BBS9: variants seen among roughly 807,000 people sequenced by gnomAD.
BBS9 encodes Bardet-Biedl syndrome 9.
In BBS9, 89 loss-of-function variants were observed where a neutral mutation model predicts 117.7. That is an observed-to-expected ratio of 0.76 (90% CI 0.64 to 0.90). The LOEUF (loss-of-function observed/expected upper bound fraction) is 0.90, where lower values mean the gene tolerates loss of function less well. Among genes scored for constraint, BBS9 ranks in the 40% least tolerant of loss-of-function variants. The pLI is 0.00. For synonymous variants in BBS9, 379 were observed against 370.9 expected, an observed-to-expected ratio of 1.02 and a Z score of -0.25; for missense variants, 982 against 1,042.2, an observed-to-expected ratio of 0.94 and a Z score of 0.80.
At chr7:33,335,065 A>T (rs997125766) in intron 9 of BBS9, among the ~76,000 whole-genome samples, 1 of 152,174 alleles carries the variant, frequency 6.6e-6, no homozygotes, top group Non-Finnish European at 1.5e-5. Context: ...CTTTTAGATT[A>T]ATGAAATGAC....
intron 17 of BBS9, among the ~76,000 whole-genome samples, chr7:33,375,819 T>C (rs1823768974): frequency 6.6e-6 from 1 of 152,088 alleles, no homozygotes; most frequent in South Asian, 2.1e-4. Flanking sequence ...ACTCCTGAGC[T>C]CAGGCAATCT....
intron 19 of BBS9, among the ~76,000 whole-genome samples, chr7:33,476,584 C>T (rs1841832432): frequency 6.6e-6 from 1 of 152,212 alleles, no homozygotes; most frequent in Non-Finnish European, 1.5e-5. Context: ...CAGTATCCCT[C>T]CAGCCTGAGG....
chr7:33,177,731 C>A, intron 5 of BBS9, 140 bp downstream of exon 5: 1 of 694,708 alleles, frequency 1.4e-6, no homozygotes, highest in Non-Finnish European at 2.6e-6. Flanking sequence ...TATCCAAATG[C>A]CCAAGCAAGT....
chr7:33,253,220 A>G (rs1796497749), intron 5 of BBS9, among the ~76,000 whole-genome samples: 1 of 152,236 alleles, frequency 6.6e-6, no homozygotes, highest in African/African-American at 2.4e-5. Flanking sequence ...AAGAGACAGC[A>G]ATGCTGGATG....
In BBS9 at chr7:33,336,442, G is replaced by T; in HGVS notation, c.1018G>T (p.Asp340Tyr). 6.2e-7 allele frequency: 1 copy of T among 1,612,512 alleles called. No individual in the cohort carries two copies. Among genetic ancestry groups the T allele is most frequent in the South Asian group, 1.1e-5 (1 of 90,956 alleles). The change falls in exon 10 of 23, where the codon GAT becomes TAT. Residue 340 changes from aspartate (D) to tyrosine (Y), a missense_variant and splice_region_variant. Asp to Tyr is a radical substitution (Grantham distance 160). Coordinates refer to ENST00000242067, the MANE Select transcript of BBS9 (RefSeq NM_198428.3). ...PVAVRVGCLH[D>Y]LKGVIVTLSD... ...CTCATTTTCTCTTCCTTATTGTAGT[G>T]ATTTAAAGGGAGTGATAGTCACTCT...
intron 14 of BBS9, 60 bp downstream of exon 14, chr7:33,351,383 G>A: frequency 9.0e-7 from 1 of 1,112,184 alleles, no homozygotes; most frequent in Non-Finnish European, 1.4e-6. Context: ...AAATGCTTAT[G>A]CATTTAAGAT....
chr7:33,231,853 C>T (rs185498185), intron 5 of BBS9, among the ~76,000 whole-genome samples: 143 of 152,078 alleles, frequency 9.4e-4, no homozygotes, highest in African/African-American at 3.3e-3. Context: ...CTAGGTAATT[C>T]TTTGTTGTGG....
intron 10 of BBS9, among the ~76,000 whole-genome samples, chr7:33,338,054 C>T (rs913702526): frequency 1.1e-4 from 16 of 151,846 alleles, no homozygotes; most frequent in Non-Finnish European, 5.9e-5. Flanking sequence ...TTGTCATTAC[C>T]TTGATCCTTC....
intron 21 of BBS9, among the ~76,000 whole-genome samples, chr7:33,584,673 T>C (rs1860584190): frequency 6.6e-6 from 1 of 152,114 alleles, no homozygotes. Flanking sequence ...ATTATACTTT[T>C]AAAAATATGA....
intron 21 of BBS9, among the ~76,000 whole-genome samples, chr7:33,576,164 C>G (rs1258089156): frequency 2.6e-5 from 4 of 152,200 alleles, no homozygotes; most frequent in Non-Finnish European, 5.9e-5. Flanking sequence ...ACCCTGTCAT[C>G]TCAGCCCAAA....
chr7:33,604,321 C>T (rs993553399), intron 21 of BBS9, among the ~76,000 whole-genome samples: 1 of 152,178 alleles, frequency 6.6e-6, no homozygotes, highest in Non-Finnish European at 1.5e-5. Flanking sequence ...CAATGCAGTT[C>T]ATGACTTTGC....
In BBS9 at chr7:33,409,385, C is replaced by G. The variant is rs60809075; in HGVS notation, c.2115+21241C>G. Among the ~76,000 whole-genome samples, 3,011 of 152,198 alleles carry G rather than the reference C, an allele frequency of 0.02. 208 individuals carry two copies. In the East Asian group the frequency reaches 0.26, roughly 13 times the overall value. ...CATTCTTCTCCATATGGATAGCCAG[C>G]TATCCCAGCACCATTCATTGAATAG... On this transcript the variant is annotated intron_variant, in intron 19 of 22. Transcript: ENST00000242067.
chr7:33,314,357 T>A (rs1809999578), intron 9 of BBS9: 1 of 380,916 alleles, frequency 2.6e-6, no homozygotes, highest in Middle Eastern at 4.8e-4. Context: ...ATACTTGCCT[T>A]CTTGGCATTT....
At chr7:33,248,332 G>T (rs1317436198) in intron 5 of BBS9, among the ~76,000 whole-genome samples, 1 of 152,096 alleles carries the variant, frequency 6.6e-6, no homozygotes, top group Non-Finnish European at 1.5e-5. Context: ...AATCTAATTG[G>T]ATATTGCATT....
At chr7:33,451,662 T>C (rs1030148107) in intron 19 of BBS9, among the ~76,000 whole-genome samples, 4 of 152,216 alleles carry the variant, frequency 2.6e-5, no homozygotes, top group Non-Finnish European at 4.4e-5. Flanking sequence ...TCACTGTTTT[T>C]GTTCTTCTGG....
chr7:33,223,567 A>AT (rs1180135896), intron 5 of BBS9, among the ~76,000 whole-genome samples: 2 of 152,172 alleles, frequency 1.3e-5, no homozygotes, highest in African/African-American at 4.8e-5. Flanking sequence ...CTTGAAACCA[A>AT]TTACACCTAC....
intron 16 of BBS9, among the ~76,000 whole-genome samples, chr7:33,361,906 T>G (rs1036798136): frequency 2.6e-5 from 4 of 152,150 alleles, no homozygotes; most frequent in Non-Finnish European, 5.9e-5. Context: ...AAGTATGACT[T>G]TTGTACCATA....
chr7:33,309,905 A>G (rs1808854085), intron 9 of BBS9, among the ~76,000 whole-genome samples: 1 of 152,174 alleles, frequency 6.6e-6, no homozygotes, highest in East Asian at 1.9e-4. Flanking sequence ...ATATTTAGGG[A>G]TTCTCATAAT....
intron 20 of BBS9, among the ~76,000 whole-genome samples, chr7:33,526,995 C>A (rs7805335): frequency 6.9e-6 from 1 of 144,712 alleles, no homozygotes; most frequent in Non-Finnish European, 1.5e-5. Context: ...AGGTCTGTTG[C>A]AATACCCTGC....
Sources: allele counts gnomAD v4.1 joint callset (sites outside exome capture counted in the v4.1 genomes callset), GRCh38; gene constraint gnomAD v4.1.1; transcripts MANE v1.5; gene names NCBI Gene and HGNC (gene_info 2026-07-23, HGNC 2026-07-21).